Variants in MGAT4C observed in about 807,000 individuals in gnomAD.
The protein encoded by MGAT4C is MGAT4 family member C, also known as alpha-1,3-mannosyl-glycoprotein 4-beta-N-acetylglucosaminyltransferase C.
In MGAT4C, 19 loss-of-function variants were observed where a neutral mutation model predicts 40.1. The observed-to-expected ratio is 0.47, with a 90% CI of 0.33 to 0.70. MGAT4C has a LOEUF of 0.70. MGAT4C is among the 30% of genes least tolerant of loss of function. MGAT4C has a pLI of 0.02. For synonymous variants in MGAT4C, 181 were observed against 187.1 expected (o/e 0.97, Z 0.27); for missense variants, 491 against 563.2 (o/e 0.87, Z 1.30).
intron 2 of MGAT4C, among the ~76,000 whole-genome samples, chr12:86,474,057 G>A (rs1054640027): frequency 6.6e-6 from 1 of 151,868 alleles, no homozygotes; most frequent in Non-Finnish European, 1.5e-5. Flanking sequence ...CTATACTAAC[G>A]AGATCCTTTT....
At chr12:86,259,181 T>A (rs903784552), upstream of MGAT4C, among the ~76,000 whole-genome samples, 7 of 152,106 alleles carry the variant, frequency 4.6e-5, no homozygotes, top group African/African-American at 1.2e-4. Context: ...TTATAAAATT[T>A]TTTTGTGATT....
intron 3 of MGAT4C, among the ~76,000 whole-genome samples, chr12:86,363,019 GGATCT>G (rs1955515694): frequency 6.6e-6 from 1 of 151,996 alleles, no homozygotes; most frequent in African/African-American, 2.4e-5. Context: ...AAATTTGCAT[GGATCT>G]AACAACAGAA....
intron 2 of MGAT4C, among the ~76,000 whole-genome samples, chr12:86,566,331 A>C (rs1309858835): frequency 6.6e-6 from 1 of 151,478 alleles, no homozygotes; most frequent in Non-Finnish European, 1.5e-5. Flanking sequence ...AAAAGCAAGC[A>C]GCAAAATATG....
intron 2 of MGAT4C, among the ~76,000 whole-genome samples, chr12:86,601,495 C>T (rs1040026003): frequency 6.6e-6 from 1 of 152,034 alleles, no homozygotes; most frequent in African/African-American, 2.4e-5. Context: ...TACCTGTGTC[C>T]GGTCTCATCT....
intron 1 of MGAT4C, among the ~76,000 whole-genome samples, chr12:86,074,741 G>C (rs368491781): frequency 1.4e-4 from 22 of 152,254 alleles, no homozygotes; most frequent in African/African-American, 3.4e-4. Context: ...AAGGTGAAAG[G>C]CACGTCCTAC....
At chr12:86,229,371 A>G (rs1951225024) in intron 1 of MGAT4C, among the ~76,000 whole-genome samples, 1 of 151,912 alleles carries the variant, frequency 6.6e-6, no homozygotes, top group South Asian at 2.1e-4. Flanking sequence ...GAAATCAGAA[A>G]CTGTAGTTGT....
chr12:86,591,932 C>T (rs1311595375), intron 2 of MGAT4C, among the ~76,000 whole-genome samples: 3 of 151,828 alleles, frequency 2.0e-5, no homozygotes, highest in African/African-American at 4.8e-5. Context: ...CCAGCAAAGA[C>T]AAAATGTTGT....
chr12:86,493,964 A>G, intron 2 of MGAT4C, among the ~76,000 whole-genome samples: 1 of 151,896 alleles, frequency 6.6e-6, no homozygotes, highest in East Asian at 1.9e-4. Flanking sequence ...TCTTTTTTTA[A>G]GTACTACTTT....
intron 1 of MGAT4C, among the ~76,000 whole-genome samples, chr12:86,744,617 AT>A (rs1384864638): frequency 2.0e-5 from 3 of 151,308 alleles, no homozygotes; most frequent in Middle Eastern, 6.8e-3. Flanking sequence ...TAAAAAAAAA[AT>A]CACAAGTGAT....
chr12:85,986,556 A>T (rs899810262), intron 3 of MGAT4C, among the ~76,000 whole-genome samples: 1 of 152,188 alleles, frequency 6.6e-6, no homozygotes, highest in Non-Finnish European at 1.5e-5. Flanking sequence ...CCACAAATGG[A>T]TTTTCTAACA....
chr12:86,496,876 T>G (rs1219935674), intron 2 of MGAT4C, among the ~76,000 whole-genome samples: 1 of 152,020 alleles, frequency 6.6e-6, no homozygotes, highest in East Asian at 1.9e-4. Context: ...CTAGAAAATG[T>G]ACCTACTACC....
intron 1 of MGAT4C, among the ~76,000 whole-genome samples, chr12:86,802,516 A>T (rs746781183): frequency 3.3e-5 from 5 of 152,048 alleles, no homozygotes; most frequent in Non-Finnish European, 7.4e-5. Context: ...TATATAATAC[A>T]TCAAAAATAA....
intron 2 of MGAT4C, among the ~76,000 whole-genome samples, chr12:86,691,533 A>G (rs2136598008): frequency 6.6e-6 from 1 of 152,290 alleles, no homozygotes; most frequent in Middle Eastern, 3.4e-3. Flanking sequence ...TGTGAGCGAA[A>G]TGGAATAGCC....
At chr12:86,245,549 G>A (rs1463034318) in intron 1 of MGAT4C, among the ~76,000 whole-genome samples, 1 of 152,162 alleles carries the variant, frequency 6.6e-6, no homozygotes, top group Non-Finnish European at 1.5e-5. Flanking sequence ...GAATACAAGA[G>A]ATTTCTGAGT....
chr12:86,307,136 G>T (rs1275186064), intron 4 of MGAT4C, among the ~76,000 whole-genome samples: 2 of 150,192 alleles, frequency 1.3e-5, no homozygotes, highest in Non-Finnish European at 1.5e-5. Context: ...GATACTCTTT[G>T]AATTCAAAAC....
chr12:86,656,452 A>C (rs1336230706), intron 2 of MGAT4C, among the ~76,000 whole-genome samples: 1 of 151,988 alleles, frequency 6.6e-6, no homozygotes, highest in East Asian at 1.9e-4. Context: ...AACAAGTATG[A>C]CTCCACTTCT....
chr12:86,079,070 A>C (rs1458939684), intron 1 of MGAT4C, among the ~76,000 whole-genome samples: 1 of 152,208 alleles, frequency 6.6e-6, no homozygotes, highest in African/African-American at 2.4e-5. Flanking sequence ...AGGCTTACTA[A>C]TAAAAATATG....
intron 2 of MGAT4C, among the ~76,000 whole-genome samples, chr12:86,461,236 CTTTTT>C: frequency 7.5e-6 from 1 of 132,660 alleles, no homozygotes; most frequent in East Asian, 2.1e-4. Context: ...TACACATCTT[CTTTTT>C]TTTTTTTTTT....
At chr12:86,806,825 G>GA (rs1167872908) in intron 1 of MGAT4C, among the ~76,000 whole-genome samples, 3 of 151,892 alleles carry the variant, frequency 2.0e-5, no homozygotes, top group Non-Finnish European at 4.4e-5. Flanking sequence ...TTGGACACAG[G>GA]AAGGAGAACA....
Sources: gnomAD v4.1 joint callset for allele counts (sites outside exome capture counted in the v4.1 genomes callset) on GRCh38, gnomAD v4.1.1 for gene constraint, MANE v1.5 for transcripts, NCBI Gene and HGNC (gene_info 2026-07-23, HGNC 2026-07-21) for gene names.